Variants in LETM2 observed in about 807,000 individuals in gnomAD.
LETM2 encodes LETM1 domain-containing protein LETM2, mitochondrial.
A neutral mutation model predicts 59.6 loss-of-function variants in LETM2; 58 were observed. The observed-to-expected ratio is 0.97, with a 90% CI of 0.79 to 1.21. The LOEUF (loss-of-function observed/expected upper bound fraction) is 1.21. Among genes scored for constraint, LETM2 ranks in the 50% most tolerant of loss-of-function variants. The pLI is 0.00. For synonymous variants in LETM2, 199 were observed against 214.1 expected, an observed-to-expected ratio of 0.93 and a Z score of 0.62; for missense variants, 572 against 575.7, an observed-to-expected ratio of 0.99 and a Z score of 0.07.
At chr8:38,403,620 G>C (rs1417301613) in intron 7 of LETM2, among the ~76,000 whole-genome samples, 1 of 152,198 alleles carries the variant, frequency 6.6e-6, no homozygotes, top group Admixed American at 6.5e-5. Flanking sequence ...TCTCATCATT[G>C]TAAGAAATGC....
chr8:38,391,181 C>CAAAAAAAAAAAA (rs552521178), intron 2 of LETM2, among the ~76,000 whole-genome samples: 15 of 51,246 alleles, frequency 2.9e-4, no homozygotes, highest in South Asian at 7.7e-4. Context: ...CCTCCTGTCT[C>CAAAAAAAAAAAA]AAAAAAAAAA....
At position 38,407,586 on chromosome 8, in the gene LETM2, A is replaced by C. The variant is rs1813833612; in HGVS notation, c.1413+123A>C. 5.8e-6 allele frequency: 4 copies of C among 693,686 alleles called. No homozygotes were observed. The South Asian group carries it at 7.5e-5, about 13-fold the overall frequency. 43.0% of individuals were successfully genotyped at this position (693,686 alleles called of 1,614,324 possible). ...ACTGCACAATTCTTCCTGTTGTCCA[A>C]ACAGGAAATTGTAGGCCAAACTTTA... On this transcript the variant is annotated intron_variant, in intron 10 of 10. Transcript: ENST00000379957.
rs775899648 is a variant in LETM2, at chr8:38,407,018, C to T, written c.1291C>T (p.Pro431Ser). ...TAAAGAGAACATGGTGGATCTTGCA[C>T]CTCAACTGAAGGGAACTAAGGTTAG... ...ESKENMVDLA[P>S]QLKGTKDEDF... The change falls in exon 9 of 11, where the codon CCT becomes TCT. Residue 431 changes from proline (P) to serine (S), a missense_variant. Coordinates refer to ENST00000379957, the MANE Select transcript of LETM2 (RefSeq NM_001286819.2). 5.6e-6 allele frequency: 9 copies of T among 1,608,402 alleles called. No individual in the cohort carries two copies. The Admixed American group carries it at 1.5e-4, about 27-fold the overall frequency.
chr8:38,400,209 C>CATCTTTATCTACCA (rs1253677225), intron 4 of LETM2, 63 bp from the exon 5 acceptor site: 1 of 1,319,006 alleles, frequency 7.6e-7, no homozygotes, highest in East Asian at 2.3e-5. Context: ...ATTTTTCTCC[C>CATCTTTATCTACCA]ATCTTTATCT....
chr8:38,385,419 A>G (rs1036268972), upstream of LETM2, among the ~76,000 whole-genome samples: 1 of 152,120 alleles, frequency 6.6e-6, no homozygotes, highest in Non-Finnish European at 1.5e-5. Flanking sequence ...TTGAGGTGGA[A>G]TCTCGCTCTT....
At chr8:38,407,592 A>C in intron 10 of LETM2, 129 bp downstream of exon 10, 1 of 666,358 alleles carries the variant, frequency 1.5e-6, no homozygotes, top group South Asian at 2.0e-5. Context: ...TCCAAACAGG[A>C]AATTGTAGGC....
intron 9 of LETM2, 30 bp from the exon 10 acceptor site, chr8:38,407,332 G>A (rs1196118667): frequency 1.3e-6 from 2 of 1,485,464 alleles, no homozygotes; most frequent in Middle Eastern, 1.7e-4. Flanking sequence ...TTTTAAATCA[G>A]TAACCCAACT....
upstream of LETM2, among the ~76,000 whole-genome samples, chr8:38,384,101 TC>T (rs776189671): frequency 5.3e-5 from 8 of 151,936 alleles, no homozygotes; most frequent in Non-Finnish European, 1.2e-4. Flanking sequence ...TAATTCTATC[TC>T]CAGGAAAGAG....
intron 8 of LETM2, among the ~76,000 whole-genome samples, chr8:38,405,645 A>C (rs77712782): frequency 6.6e-6 from 1 of 152,222 alleles, no homozygotes. Context: ...GACTAGGAGC[A>C]GTTTCAGAGT....
chr8:38,389,857 G>C (rs1812074156), intron 2 of LETM2, among the ~76,000 whole-genome samples: 3 of 151,942 alleles, frequency 2.0e-5, no homozygotes, highest in African/African-American at 7.3e-5. Context: ...AAATTAGCTG[G>C]ACGTGGTGGC....
chr8:38,392,339 C>T (rs897122963), intron 2 of LETM2, among the ~76,000 whole-genome samples: 5 of 152,010 alleles, frequency 3.3e-5, no homozygotes, highest in African/African-American at 7.2e-5. Flanking sequence ...GCAGGAGAAT[C>T]GCTTGAGCCC....
intron 2 of LETM2, among the ~76,000 whole-genome samples, chr8:38,388,800 G>A (rs1371902122): frequency 6.6e-6 from 1 of 151,332 alleles, no homozygotes; most frequent in East Asian, 2.0e-4. Flanking sequence ...TTATCACTCT[G>A]TTGCCCAGGC....
chr8:38,392,433 T>G, intron 2 of LETM2, 109 bp from the exon 3 acceptor site: 1 of 779,942 alleles, frequency 1.3e-6, no homozygotes, highest in African/African-American at 1.7e-5. Context: ...AAAAGCTGTT[T>G]TATTTTGACC....
chr8:38,400,908 T>C lies in LETM2; in HGVS notation c.839T>C (p.Phe280Ser), dbSNP rs2150439851. 1.9e-6 allele frequency: 3 copies of C among 1,614,168 alleles called. No individual in the cohort carries two copies. The highest frequency in any genetic ancestry group is 2.2e-5 in the East Asian group (1 of 44,890). ...TKEIVRFSKL[F>S]EDQLALEHLD... ...GAGATAGTTCGCTTCTCCAAACTAT[T>C]TGAGGACCAGCTGGCCCTGGAACAC... The change falls in exon 6 of 11, where the codon TTT (phenylalanine) becomes TCT (serine). Residue 280 changes from phenylalanine (F) to serine (S), a missense_variant. Physicochemically the swap from Phe to Ser is radical, Grantham distance 155 (BLOSUM62 -2). Transcript: ENST00000379957.
At chr8:38,394,448 G>T in intron 4 of LETM2, 1 of 401,998 alleles carries the variant, frequency 2.5e-6, no homozygotes, top group Non-Finnish European at 4.4e-6. Flanking sequence ...CATACTTTAG[G>T]GTCCACTCTT....
At chr8:38,401,656 A>C (rs960164226) in intron 6 of LETM2, 1 of 154,892 alleles carries the variant, frequency 6.5e-6, no homozygotes, top group South Asian at 2.0e-4. Flanking sequence ...AGGAAACAGC[A>C]GCTCAGTAGA....
intron 2 of LETM2, among the ~76,000 whole-genome samples, chr8:38,388,327 G>A (rs1168006875): frequency 2.0e-5 from 3 of 151,958 alleles, no homozygotes; most frequent in African/African-American, 7.2e-5. Context: ...TGATCCGCCT[G>A]CCTTGGGCTC....
intron 2 of LETM2, among the ~76,000 whole-genome samples, chr8:38,389,131 G>A (rs1255953274): frequency 2.6e-5 from 4 of 152,194 alleles, no homozygotes; most frequent in African/African-American, 9.6e-5. Context: ...GTCCTTAGAT[G>A]TAAAGCGAGT....
At chr8:38,391,621 T>A (rs1391190855) in intron 2 of LETM2, among the ~76,000 whole-genome samples, 1 of 151,904 alleles carries the variant, frequency 6.6e-6, no homozygotes, top group Non-Finnish European at 1.5e-5. Flanking sequence ...CAATCTGATA[T>A]GGTAGTTTAA....
Sources: gnomAD v4.1 joint callset for allele counts (sites outside exome capture counted in the v4.1 genomes callset) on GRCh38, gnomAD v4.1.1 for gene constraint, MANE v1.5 for transcripts, NCBI Gene and HGNC (gene_info 2026-07-23, HGNC 2026-07-21) for gene names.